TNFRSF19: variants seen among roughly 807,000 people sequenced by gnomAD.
TNFRSF19 encodes the protein tumor necrosis factor receptor superfamily member 19.
Under a neutral mutation model 46.4 loss-of-function variants are expected in TNFRSF19, and 27 were observed. That is an observed-to-expected ratio of 0.58 (90% CI 0.43 to 0.80). The LOEUF (loss-of-function observed/expected upper bound fraction) is 0.80, where lower values mean the gene tolerates loss of function less well. Among genes scored for constraint, TNFRSF19 ranks in the 30% least tolerant of loss-of-function variants. The pLI, the probability that TNFRSF19 is intolerant of heterozygous loss-of-function variation, is 0.00. For missense variants in TNFRSF19, 511 were observed against 530.8 expected (o/e 0.96, Z 0.37); for synonymous variants, 204 against 205.0 (o/e 1.00, Z 0.04).
chr13:23,670,485 A>G (rs1180526576), intron 9 of TNFRSF19, among the ~76,000 whole-genome samples: 1 of 152,266 alleles, frequency 6.6e-6, no homozygotes, highest in Admixed American at 6.5e-5. Flanking sequence ...TAGGCAGTTA[A>G]CACATACAAA....
chr13:23,588,507 T>C (rs1222000749), intron 1 of TNFRSF19, among the ~76,000 whole-genome samples: 2 of 152,208 alleles, frequency 1.3e-5, no homozygotes, highest in African/African-American at 2.4e-5. Flanking sequence ...TGCTCGAATA[T>C]GGTATGTACT....
In TNFRSF19 at chr13:23,659,762, C is replaced by T. The variant is rs147547149; in HGVS notation, c.610+548C>T. ...CCTCGTGATCCGCCTGCCTCGGCCTCCCAAAGTGCTGAGATGACAGATGTG... is the reference window on the plus strand; with the variant it reads ...CCTCGTGATCCGCCTGCCTCGGCCTTCCAAAGTGCTGAGATGACAGATGTG... On this transcript the variant is annotated intron_variant, in intron 6 of 9. Transcript: ENST00000248484. This position sits in a 1 kb window ranked among gnomAD's most constrained non-coding sequence, Gnocchi z 4.9. Among the ~76,000 whole-genome samples, 6 of 152,282 alleles carry T rather than the reference C, an allele frequency of 3.9e-5. No homozygotes were observed. The highest frequency in any genetic ancestry group is 1.4e-4 in the African/African-American group (6 of 41,564).
chr13:23,581,410 T>G (rs1431422115), intron 1 of TNFRSF19, among the ~76,000 whole-genome samples: 1 of 151,926 alleles, frequency 6.6e-6, no homozygotes, highest in Non-Finnish European at 1.5e-5. Flanking sequence ...CCTCCCAAAG[T>G]GCTGGGATTA....
chr13:23,623,148 TTC>T (rs1881783378), intron 4 of TNFRSF19, among the ~76,000 whole-genome samples: 1 of 152,166 alleles, frequency 6.6e-6, no homozygotes, highest in Non-Finnish European at 1.5e-5. Flanking sequence ...CCACCTTTCT[TTC>T]TGTTTCTGTG....
At chr13:23,596,268 A>G (rs1424711586) in intron 3 of TNFRSF19, among the ~76,000 whole-genome samples, 2 of 152,206 alleles carry the variant, frequency 1.3e-5, no homozygotes, top group African/African-American at 4.8e-5. Flanking sequence ...ATTAACCTTA[A>G]ATGTAAATGG....
At chr13:23,636,769 G>C (rs77771243) in intron 5 of TNFRSF19, among the ~76,000 whole-genome samples, 1 of 152,064 alleles carries the variant, frequency 6.6e-6, no homozygotes, top group African/African-American at 2.4e-5. Flanking sequence ...AACTTCCCTC[G>C]GACTCCTGTT....
rs565067679 is a variant in TNFRSF19, at chr13:23,635,235, A to G, written c.445+8443A>G. Among the ~76,000 whole-genome samples, 11 of 152,328 alleles carry G rather than the reference A, an allele frequency of 7.2e-5. No individual in the cohort carries two copies. The South Asian group carries it at 1.0e-3, about 14-fold the overall frequency. On this transcript the variant is annotated intron_variant, in intron 5 of 9. Transcript: ENST00000248484. ...AGAAAAATTCTGAACCTATAAATAA[A>G]ATGTAATTGAGTCATCCTACTTGAA...
intron 5 of TNFRSF19, among the ~76,000 whole-genome samples, chr13:23,653,130 A>G (rs1451006683): frequency 2.6e-5 from 4 of 152,182 alleles, no homozygotes; most frequent in Non-Finnish European, 2.9e-5. Context: ...TGCTTCCCAC[A>G]GAGGATCAAG....
intron 9 of TNFRSF19, among the ~76,000 whole-genome samples, chr13:23,672,147 G>T (rs181837775): frequency 9.1e-4 from 138 of 152,316 alleles, no homozygotes; most frequent in African/African-American, 3.1e-3. Flanking sequence ...TTTCTTGTGG[G>T]TGATTTAAGA....
chr13:23,574,612 G>A (rs1463605154), intron 1 of TNFRSF19, among the ~76,000 whole-genome samples: 2 of 148,174 alleles, frequency 1.3e-5, no homozygotes, highest in Non-Finnish European at 2.9e-5. Context: ...TCAACCATCT[G>A]GCATTGGTTT....
chr13:23,618,566 A>C (rs1310003142), intron 4 of TNFRSF19, among the ~76,000 whole-genome samples: 1 of 152,194 alleles, frequency 6.6e-6, no homozygotes, highest in Non-Finnish European at 1.5e-5. Context: ...TGTTGGTGGG[A>C]ACGGCAAAGG....
chr13:23,583,097 G>A (rs1878571520), intron 1 of TNFRSF19, among the ~76,000 whole-genome samples: 1 of 152,170 alleles, frequency 6.6e-6, no homozygotes, highest in Admixed American at 6.5e-5. Context: ...TGTTATTAAA[G>A]GTGTGTGCTT....
rs528901178 is a variant in TNFRSF19 at position 23,633,807 on chromosome 13, C to T, written c.445+7015C>T. 3.9e-5 allele frequency among the ~76,000 whole-genome samples: 6 copies of T among 152,308 alleles called. 1 individual carries two copies. Among genetic ancestry groups the T allele is most frequent in the African/African-American group, 1.2e-4 (5 of 41,568 alleles). ...GAGGTTGCAGTGAGCCGAGATCGTA[C>T]CGTTGCACTCCAGCCTGGGTGACAA... On this transcript the variant is annotated intron_variant, in intron 5 of 9. Coordinates refer to ENST00000248484, the MANE Select transcript of TNFRSF19 (RefSeq NM_148957.4).
intron 3 of TNFRSF19, among the ~76,000 whole-genome samples, chr13:23,597,148 G>A (rs954280869): frequency 2.0e-5 from 3 of 152,152 alleles, no homozygotes; most frequent in Non-Finnish European, 4.4e-5. Context: ...AAGTGGAAAA[G>A]ATCTAAAATT....
intron 3 of TNFRSF19, among the ~76,000 whole-genome samples, chr13:23,606,332 C>T (rs1431065784): frequency 6.8e-6 from 1 of 146,592 alleles, no homozygotes; most frequent in Admixed American, 6.9e-5. Flanking sequence ...ATTTGTTCAT[C>T]TTCTGTTCCC....
intron 7 of TNFRSF19, among the ~76,000 whole-genome samples, chr13:23,662,853 T>C (rs1199235689): frequency 6.6e-6 from 1 of 152,224 alleles, no homozygotes; most frequent in Non-Finnish European, 1.5e-5. Context: ...TAATGATTTT[T>C]GTACGTAGAT....
intron 5 of TNFRSF19, among the ~76,000 whole-genome samples, chr13:23,641,276 T>G (rs375823107): frequency 6.6e-6 from 1 of 152,232 alleles, no homozygotes; most frequent in East Asian, 1.9e-4. Context: ...CTATGTATTC[T>G]GAGAGCTGTC....
At chr13:23,671,088 T>C (rs1951756045) in intron 9 of TNFRSF19, among the ~76,000 whole-genome samples, 1 of 152,158 alleles carries the variant, frequency 6.6e-6, no homozygotes, top group Non-Finnish European at 1.5e-5. Context: ...GGGACAGGAT[T>C]GATAAGCACT....
intron 5 of TNFRSF19, among the ~76,000 whole-genome samples, chr13:23,627,240 CTG>C (rs916767714): frequency 1.9e-4 from 29 of 152,212 alleles, no homozygotes; most frequent in Non-Finnish European, 1.5e-4. Context: ...CCTGCCCTCA[CTG>C]TGTGTCACTA....
Sources: allele counts gnomAD v4.1 joint callset (sites outside exome capture counted in the v4.1 genomes callset), GRCh38; gene constraint gnomAD v4.1.1; non-coding constraint Gnocchi (gnomAD v3.1); transcripts MANE v1.5; gene names NCBI Gene and HGNC (gene_info 2026-07-23, HGNC 2026-07-21).